Variants in FAM78B observed in about 807,000 individuals in gnomAD.
FAM78B encodes the protein protein FAM78B.
FAM78B carries 10 observed loss-of-function variants against 20.0 expected under a neutral mutation model. The observed-to-expected ratio is 0.50, with a 90% CI of 0.31 to 0.85. The LOEUF (loss-of-function observed/expected upper bound fraction) is 0.85. Ranked by LOEUF, FAM78B falls within the 40% of genes least tolerant of loss-of-function variation. The pLI is 0.05. For missense variants in FAM78B, 283 were observed against 345.0 expected, an observed-to-expected ratio of 0.82 and a Z score of 1.42; for synonymous variants, 135 against 132.8, an observed-to-expected ratio of 1.02 and a Z score of -0.12.
chr1:166,088,076 C>G (rs1457060837), intron 1 of FAM78B, among the ~76,000 whole-genome samples: 1 of 152,210 alleles, frequency 6.6e-6, no homozygotes. Context: ...TGACCCAATT[C>G]TGCTCAAGCT....
chr1:166,094,998 T>C lies in FAM78B; in HGVS notation c.264-24235A>G, dbSNP rs183848129. On this transcript the variant is annotated intron_variant, in intron 1 of 1. Coordinates refer to ENST00000354422, the MANE Select transcript of FAM78B (RefSeq NM_001017961.5). ...GGGAGCTGAAGAGACTTGTCTAAGG[T>C]GACCAAATCAGCAGGTGGCTGAGCT... Among the ~76,000 whole-genome samples the C allele has an allele frequency of 5.9e-5, 9 of 152,310 alleles. No homozygotes were observed. In the East Asian group the frequency reaches 1.5e-3, roughly 26 times the overall value.
intron 1 of FAM78B, among the ~76,000 whole-genome samples, chr1:166,077,555 G>GTC (rs111360627): frequency 1.8e-4 from 26 of 146,434 alleles, no homozygotes; most frequent in Middle Eastern, 3.6e-3. Context: ...AGCACACAAT[G>GTC]TCTCTCTCTC....
Position 166,070,746 on chromosome 1 carries a change from G to T in FAM78B, c.281C>A (p.Pro94His), listed in dbSNP as rs1358177109. 1.3e-6 allele frequency: 2 copies of T among 1,570,520 alleles called. No homozygotes were observed. The highest frequency in any genetic ancestry group is 2.4e-5 in the South Asian group (2 of 84,576). ...SDLGMSSWEL[P>H]DLREGRVKAI... Reference sequence around the variant, plus strand: ...TTTTACTCTCCCTTCCCTCAAGTCAGGCAGTTCCCAGCTTGACCTGGCAAA... The same window carrying T: ...TTTTACTCTCCCTTCCCTCAAGTCATGCAGTTCCCAGCTTGACCTGGCAAA... The change falls in exon 2 of 2, where the codon CCT (proline) becomes CAT (histidine). Residue 94 changes from proline to histidine, a missense_variant. Physicochemically the swap from Pro to His is moderately conservative, Grantham distance 77. Transcript: ENST00000354422.
At chr1:166,165,154 G>A (rs1343330174) in intron 1 of FAM78B, 1 of 152,272 alleles carries the variant, frequency 6.6e-6, no homozygotes, top group African/African-American at 2.4e-5. Context: ...CCAGCTCGCC[G>A]ATAGAATTCG....
rs545179036 is a variant in FAM78B at position 166,118,673 on chromosome 1, T to C, written c.263+47313A>G. ...AAGAGACCTTACAGCTCACTAAGCCTAAGATACTTATTCTCTGGCCCTTCA... is the reference window on the plus strand; with the variant it reads ...AAGAGACCTTACAGCTCACTAAGCCCAAGATACTTATTCTCTGGCCCTTCA... On this transcript the variant is annotated intron_variant, in intron 1 of 1. Transcript: ENST00000354422. 1.0e-3 allele frequency among the ~76,000 whole-genome samples: 156 copies of C among 152,310 alleles called. 1 individual carries two copies. The highest frequency in any genetic ancestry group is 3.7e-3 in the African/African-American group (152 of 41,578).
At chr1:166,151,115 A>C (rs1403384327) in intron 1 of FAM78B, among the ~76,000 whole-genome samples, 4 of 152,146 alleles carry the variant, frequency 2.6e-5, no homozygotes, top group Non-Finnish European at 5.9e-5. Context: ...GAATTTGAAC[A>C]CTTGAGACTG....
chr1:166,094,289 G>C (rs1268710091), intron 1 of FAM78B, among the ~76,000 whole-genome samples: 1 of 152,184 alleles, frequency 6.6e-6, no homozygotes, highest in Non-Finnish European at 1.5e-5. Flanking sequence ...GATGGAGCAG[G>C]AGGCTGCAGT....
At chr1:166,130,880 A>G (rs1040940838) in intron 1 of FAM78B, among the ~76,000 whole-genome samples, 1 of 152,134 alleles carries the variant, frequency 6.6e-6, no homozygotes, top group African/African-American at 2.4e-5. Context: ...CAGAAGAAAC[A>G]GAACCAACAA....
At chr1:166,136,946 A>T (rs1020295263) in intron 1 of FAM78B, among the ~76,000 whole-genome samples, 15 of 152,212 alleles carry the variant, frequency 9.9e-5, no homozygotes, top group African/African-American at 3.1e-4. Context: ...ATGGCTCATA[A>T]CTATCATGTG....
chr1:166,155,484 T>C (rs1395983289), intron 1 of FAM78B, among the ~76,000 whole-genome samples: 7 of 152,198 alleles, frequency 4.6e-5, no homozygotes, highest in African/African-American at 1.7e-4. Context: ...GTTGAGTAAG[T>C]TGCTCATGGT....
At chr1:166,148,817 T>A (rs1655571531) in intron 1 of FAM78B, among the ~76,000 whole-genome samples, 1 of 152,244 alleles carries the variant, frequency 6.6e-6, no homozygotes, top group Non-Finnish European at 1.5e-5. Context: ...ACAGAGTGGG[T>A]TCCTCACATA....
intron 1 of FAM78B, among the ~76,000 whole-genome samples, chr1:166,076,535 T>A (rs1652284708): frequency 6.6e-6 from 1 of 152,146 alleles, no homozygotes; most frequent in East Asian, 1.9e-4. Context: ...CCATCCCACA[T>A]CTCTGCTTTA....
chr1:166,075,564 T>G (rs147285427), intron 1 of FAM78B, among the ~76,000 whole-genome samples: 2 of 152,332 alleles, frequency 1.3e-5, no homozygotes, highest in East Asian at 3.9e-4. Flanking sequence ...ATGAGGATGA[T>G]GAGGACGGGG....
At chr1:166,056,274 G>T (rs1268233060), downstream of FAM78B, among the ~76,000 whole-genome samples, 1 of 150,350 alleles carries the variant, frequency 6.7e-6, no homozygotes, top group African/African-American at 2.5e-5. Context: ...TGGTGTGTGT[G>T]TGTGCGTGTG....
At chr1:166,165,164 G>C (rs1656314326) in intron 1 of FAM78B, 1 of 152,252 alleles carries the variant, frequency 6.6e-6, no homozygotes, top group African/African-American at 2.4e-5. Flanking sequence ...GATAGAATTC[G>C]GCGGTGGGCG....
At chr1:166,116,167 G>A (rs368008869) in intron 1 of FAM78B, among the ~76,000 whole-genome samples, 1 of 152,184 alleles carries the variant, frequency 6.6e-6, no homozygotes, top group Admixed American at 6.5e-5. Context: ...TGGTGGGGCT[G>A]CTGGAGACAA....
chr1:166,143,669 G>A (rs548482999), intron 1 of FAM78B, among the ~76,000 whole-genome samples: 5 of 152,106 alleles, frequency 3.3e-5, no homozygotes, highest in African/African-American at 9.7e-5. Context: ...GGGTCCTGAT[G>A]GGAGGCCATG....
intron 1 of FAM78B, among the ~76,000 whole-genome samples, chr1:166,143,852 G>C (rs757614381): frequency 1.3e-5 from 2 of 152,104 alleles, no homozygotes; most frequent in Admixed American, 6.5e-5. Context: ...CAAACACTTC[G>C]CATGGAGCAA....
exon 3 of FAM78B, chr1:166,060,546 G>A (rs1651547620): frequency 8.3e-7 from 1 of 1,199,840 alleles, no homozygotes; most frequent in African/African-American, 1.6e-5. Context: ...ACATTTTAAT[G>A]GGAAATCAGC....
Sources: gnomAD v4.1 joint callset for allele counts (sites outside exome capture counted in the v4.1 genomes callset) on GRCh38, gnomAD v4.1.1 for gene constraint, MANE v1.5 for transcripts, NCBI Gene and HGNC (gene_info 2026-07-23, HGNC 2026-07-21) for gene names.